The following PELI2 variants were observed in gnomAD, a reference collection of about 807,000 sequenced individuals.
The protein encoded by PELI2 is E3 ubiquitin-protein ligase pellino homolog 2.
PELI2 carries 23 observed loss-of-function variants against 42.3 expected under a neutral mutation model. That is an observed-to-expected ratio of 0.54 (90% confidence interval 0.39 to 0.77). The LOEUF (loss-of-function observed/expected upper bound fraction) is 0.77, where lower values mean the gene tolerates loss of function less well. PELI2 is among the 30% of genes least tolerant of loss of function. PELI2 has a pLI of 0.00. For synonymous variants in PELI2, 245 were observed against 212.2 expected (o/e 1.15, Z -1.34); for missense variants, 463 against 553.2 (o/e 0.84, Z 1.64).
At chr14:56,287,789 C>A (rs779778875) in intron 3 of PELI2, among the ~76,000 whole-genome samples, 3 of 152,184 alleles carry the variant, frequency 2.0e-5, no homozygotes, top group Non-Finnish European at 4.4e-5. Context: ...CTAAGTGATA[C>A]AAGATTTTTT....
chr14:56,180,811 TC>T lies in PELI2; in HGVS notation c.207+2348del, dbSNP rs1885550459. 6.6e-6 allele frequency among the ~76,000 whole-genome samples: 1 copy of T among 152,130 alleles called. No individual in the cohort carries two copies. Among genetic ancestry groups the T allele is most frequent in the South Asian group, 2.1e-4 (1 of 4,830 alleles). ...GTGCCAGGCCACTGCTGCTGCTGGGTCTGCTCTGTTGGCACCTTCTACCTTG... is the reference window on the plus strand; with the variant it reads ...GTGCCAGGCCACTGCTGCTGCTGGGTTGCTCTGTTGGCACCTTCTACCTTG... On this transcript the variant is annotated intron_variant, in intron 2 of 5. Transcript: ENST00000267460. The surrounding 1 kb of genome is among the most constrained non-coding windows in gnomAD (Gnocchi z 4.4).
rs146643525 is a variant in PELI2, at chr14:56,249,387, T to C, written c.208-30289T>C. ...TGGTTATTCTTATTTACATGTTTGT[T>C]AACATCAGTGTGAAAGCCTCTCCTC... On this transcript the variant is annotated intron_variant, in intron 2 of 5. Coordinates refer to ENST00000267460, the MANE Select transcript of PELI2 (RefSeq NM_021255.3). 6.1e-3 allele frequency among the ~76,000 whole-genome samples: 922 copies of C among 152,274 alleles called. 10 individuals are homozygous for C. The highest frequency in any genetic ancestry group is 0.02 in the African/African-American group (843 of 41,562).
intron 2 of PELI2, among the ~76,000 whole-genome samples, chr14:56,231,797 T>A (rs1385399765): frequency 6.6e-6 from 1 of 152,058 alleles, no homozygotes; most frequent in Non-Finnish European, 1.5e-5. Context: ...AGAAAACCCT[T>A]CAATAAATCA....
rs1555350299 is a variant in PELI2 at position 56,238,119 on chromosome 14, T to TTAATAGCC, written c.208-41554_208-41553insTAGCCTAA. 3.7e-3 allele frequency among the ~76,000 whole-genome samples: 566 copies of TTAATAGCC among 151,852 alleles called. 10 individuals are homozygous for TTAATAGCC. The East Asian group carries it at 0.064, about 17-fold the overall frequency. On this transcript the variant is annotated intron_variant, in intron 2 of 5. Coordinates refer to ENST00000267460, the MANE Select transcript of PELI2 (RefSeq NM_021255.3). ...AGAATCTGAAAATCTCCTAAGTTGT[T>TTAATAGCC]TAAAAGCCTACCACTTTGACTTAAC...
chr14:56,243,870 A>G (rs1888063329), intron 2 of PELI2, among the ~76,000 whole-genome samples: 1 of 152,238 alleles, frequency 6.6e-6, no homozygotes, highest in African/African-American at 2.4e-5. Flanking sequence ...GTCAAGTCAC[A>G]GAAAAAGAAA....
At chr14:56,130,966 G>C (rs1883461976) in intron 1 of PELI2, among the ~76,000 whole-genome samples, 1 of 152,126 alleles carries the variant, frequency 6.6e-6, no homozygotes, top group African/African-American at 2.4e-5. Context: ...TTTATAGTTT[G>C]GAAAAGGGGC....
intron 2 of PELI2, among the ~76,000 whole-genome samples, chr14:56,193,775 T>C (rs1209268598): frequency 1.3e-5 from 2 of 152,192 alleles, no homozygotes; most frequent in East Asian, 1.9e-4. Context: ...GTAGAAAAAA[T>C]GTTTTAAGTT....
chr14:56,237,012 C>T (rs1887818380), intron 2 of PELI2, among the ~76,000 whole-genome samples: 1 of 152,192 alleles, frequency 6.6e-6, no homozygotes, highest in Non-Finnish European at 1.5e-5. Flanking sequence ...GCTTTTCCCC[C>T]TGCTCCTAGC....
chr14:56,196,423 C>G (rs1475908026), intron 2 of PELI2, among the ~76,000 whole-genome samples: 7 of 152,180 alleles, frequency 4.6e-5, no homozygotes, highest in African/African-American at 1.7e-4. Flanking sequence ...GTAATTACAT[C>G]ACTATTTCTA....
chr14:56,214,120 T>C (rs1352986738), intron 2 of PELI2, among the ~76,000 whole-genome samples: 2 of 152,200 alleles, frequency 1.3e-5, no homozygotes, highest in Non-Finnish European at 2.9e-5. Flanking sequence ...CCCAAAGTGC[T>C]GGGATTACAG....
chr14:56,211,462 CA>C (rs1886709776), intron 2 of PELI2, among the ~76,000 whole-genome samples: 1 of 152,234 alleles, frequency 6.6e-6, no homozygotes, highest in African/African-American at 2.4e-5. Flanking sequence ...ACAGGGTGCT[CA>C]GTGTGCACCT....
intron 1 of PELI2, among the ~76,000 whole-genome samples, chr14:56,150,841 C>T (rs1261748737): frequency 6.6e-6 from 1 of 152,168 alleles, no homozygotes; most frequent in Non-Finnish European, 1.5e-5. Flanking sequence ...GTCGGGCAAC[C>T]CTTTGTCTCA....
At position 56,219,112 on chromosome 14, in the gene PELI2, A is replaced by G. The variant is rs564546035; in HGVS notation, c.207+40648A>G. 6.6e-6 allele frequency among the ~76,000 whole-genome samples: 1 copy of G among 152,130 alleles called. No homozygotes were observed. Among genetic ancestry groups the G allele is most frequent in the Non-Finnish European group, 1.5e-5 (1 of 68,008 alleles). ...GGAAGGGAAGGTAGCTTCAAATACA[A>G]GCCATTTTAAGTATCCTGGTCTCTT... On this transcript the variant is annotated intron_variant, in intron 2 of 5. Transcript: ENST00000267460. This position sits in a 1 kb window ranked among gnomAD's most constrained non-coding sequence, Gnocchi z 4.1.
intron 1 of PELI2, among the ~76,000 whole-genome samples, chr14:56,173,591 C>T (rs1372583606): frequency 2.0e-5 from 3 of 152,098 alleles, no homozygotes; most frequent in Non-Finnish European, 4.4e-5. Flanking sequence ...CTAGAGGCCA[C>T]AAGTCTGAAA....
In PELI2 at chr14:56,260,480, AG is replaced by A. The variant is rs546290044; in HGVS notation, c.208-19193del. Among the ~76,000 whole-genome samples, 191 of 152,290 alleles carry A rather than the reference AG, an allele frequency of 1.3e-3. 2 individuals carry two copies. Among genetic ancestry groups the A allele is most frequent in the African/African-American group, 4.4e-3 (181 of 41,562 alleles). On this transcript the variant is annotated intron_variant, in intron 2 of 5. Transcript: ENST00000267460. Reference sequence around the variant, plus strand: ...GTTCCTGGGGGAGGCAGGCAGTTTCAGGGATTGGCTGCACAGTCATGAAGGA... The same window carrying A: ...GTTCCTGGGGGAGGCAGGCAGTTTCAGGATTGGCTGCACAGTCATGAAGGA...
intron 2 of PELI2, among the ~76,000 whole-genome samples, chr14:56,220,817 A>T (rs561692115): frequency 3.4e-4 from 51 of 152,190 alleles, no homozygotes; most frequent in Middle Eastern, 3.2e-3. Flanking sequence ...ATGCCGCGAA[A>T]TGGTGCCAAC....
chr14:56,297,254 T>C lies in PELI2; in HGVS notation c.*88T>C. On this transcript the variant is annotated 3_prime_UTR_variant, in exon 6 of 6. Transcript: ENST00000267460. ...TAGATTTTACCTTTTTGTAATGCTG[T>C]TTATCAGAGGAGGGTGACAGGGGCT... The C allele has an allele frequency of 1.2e-6, 1 of 842,500 alleles. No individual in the cohort carries two copies. Among genetic ancestry groups the C allele is most frequent in the Non-Finnish European group, 1.9e-6 (1 of 539,460 alleles). The allele number at this position is 842,500 out of a possible 1,614,324, so 52.2% of individuals were successfully genotyped here. A position where few individuals can be genotyped will look rare whatever the true frequency, so the allele number is the denominator to read the frequency against.
intron 2 of PELI2, among the ~76,000 whole-genome samples, chr14:56,218,158 C>G (rs1886980703): frequency 6.6e-6 from 1 of 152,222 alleles, no homozygotes; most frequent in African/African-American, 2.4e-5. Flanking sequence ...AAAGAAGAGA[C>G]TGATTTTGTC....
chr14:56,242,454 G>A (rs1420036604), intron 2 of PELI2, among the ~76,000 whole-genome samples: 1 of 152,138 alleles, frequency 6.6e-6, no homozygotes, highest in Non-Finnish European at 1.5e-5. Flanking sequence ...TAATCAAAAA[G>A]AACTAAAAGT....
Sources: gnomAD v4.1 joint callset for allele counts (sites outside exome capture counted in the v4.1 genomes callset) on GRCh38, gnomAD v4.1.1 for gene constraint, Gnocchi (gnomAD v3.1) non-coding constraint, MANE v1.5 for transcripts, NCBI Gene and HGNC (gene_info 2026-07-23, HGNC 2026-07-21) for gene names.